The following GNG10 variants were observed in gnomAD, a reference collection of about 807,000 sequenced individuals.
GNG10 encodes the protein G protein subunit gamma 10, also known as guanine nucleotide-binding protein G(I)/G(S)/G(O) subunit gamma-10.
In GNG10, 7 loss-of-function variants were observed where a neutral mutation model predicts 6.8. That is an observed-to-expected ratio of 1.02 (90% confidence interval 0.58 to 1.92). The LOEUF is 1.92. GNG10 is among the 30% of genes most tolerant of loss of function. The pLI is 0.00. For synonymous variants in GNG10, 28 were observed against 34.8 expected, an observed-to-expected ratio of 0.80 and a Z score of 0.69; for missense variants, 57 against 86.1, an observed-to-expected ratio of 0.66 and a Z score of 1.34.
intron 1 of GNG10, among the ~76,000 whole-genome samples, chr9:111,664,159 T>TA (rs941132942): frequency 2.4e-4 from 36 of 152,274 alleles, no homozygotes; most frequent in African/African-American, 7.7e-4. Context: ...ATCTACCTTT[T>TA]AAAAATGATG....
At position 111,664,613 on chromosome 9, in the gene GNG10, G is replaced by T. The variant is rs1830871601; in HGVS notation, c.82-2202G>T. 2.0e-5 allele frequency among the ~76,000 whole-genome samples: 3 copies of T among 152,062 alleles called. 1 individual carries two copies. The South Asian group carries it at 6.2e-4, about 32-fold the overall frequency. ...AGGTTATCCCACCACCAATGGCAGG[G>T]GACAGCTTGCAAGTATTTGGGCTTA... is the stretch of plus-strand genomic sequence containing the variant. On this transcript the variant is annotated intron_variant, in intron 1 of 2. Coordinates refer to ENST00000374293, the MANE Select transcript of GNG10 (RefSeq NM_001017998.4).
chr9:111,665,727 T>A (rs753986971), intron 1 of GNG10, among the ~76,000 whole-genome samples: 2 of 151,852 alleles, frequency 1.3e-5, no homozygotes, highest in Non-Finnish European at 2.9e-5. Context: ...CAGATTCTTT[T>A]CTTTTTTTGT....
At position 111,661,612 on chromosome 9, in the gene GNG10, C is replaced by T. The variant is rs751580456; in HGVS notation, c.-23C>T. ...CCCCGCCCGGCCGGGCCCAGCAGCC[C>T]CTAGGAGCCCAGCGCCGCCGCCATG... is the stretch of plus-strand genomic sequence containing the variant. On this transcript the variant is annotated 5_prime_UTR_variant, in exon 1 of 3. Transcript: ENST00000374293. The surrounding 1 kb of genome is among the most constrained non-coding windows in gnomAD (Gnocchi z 6.1). The T allele has an allele frequency of 3.1e-5, 40 of 1,287,870 alleles. No individual in the cohort carries two copies. Among genetic ancestry groups the T allele is most frequent in the Non-Finnish European group, 3.9e-5 (39 of 995,482 alleles). 79.8% of individuals were successfully genotyped at this position (1,287,870 alleles called of 1,614,324 possible).
In GNG10 at chr9:111,663,211, G is replaced by A. The variant is rs370032529; in HGVS notation, c.81+1496G>A. ...AAGGGAGTGGCCCCTGAGCAGGCAC[G>A]CAGATGCGCTGTGACTGAAGACCCA... On this transcript the variant is annotated intron_variant, in intron 1 of 2. Coordinates refer to ENST00000374293, the MANE Select transcript of GNG10 (RefSeq NM_001017998.4). Among the ~76,000 whole-genome samples, 8 of 152,288 alleles carry A rather than the reference G, an allele frequency of 5.3e-5. No homozygotes were observed. In the South Asian group the frequency reaches 1.7e-3, roughly 32 times the overall value.
chr9:111,669,017 C>T (rs1345331151), intron 2 of GNG10, among the ~76,000 whole-genome samples: 3 of 152,060 alleles, frequency 2.0e-5, no homozygotes, highest in East Asian at 3.9e-4. Context: ...CCACCATGCC[C>T]GGCTAATTTT....
chr9:111,663,678 T>C (rs1458993005), intron 1 of GNG10, among the ~76,000 whole-genome samples: 1 of 151,906 alleles, frequency 6.6e-6, no homozygotes, highest in African/African-American at 2.4e-5. Flanking sequence ...AGAAGGCTGT[T>C]TGAGGGGAAG....
intron 2 of GNG10, among the ~76,000 whole-genome samples, chr9:111,668,789 A>G (rs1477752322): frequency 2.0e-5 from 3 of 149,566 alleles, no homozygotes; most frequent in African/African-American, 7.4e-5. Flanking sequence ...CCGGCCTTAC[A>G]AAGCACTTTC....
rs767968680 is a variant in GNG10, at chr9:111,661,721, G to A, written c.81+6G>A. ...CTGGCGTGGAGAGGATCAAGGTGCGGGCCCCGGGTACCCACGCTCCGGTCC... is the reference window on the plus strand; with the variant it reads ...CTGGCGTGGAGAGGATCAAGGTGCGAGCCCCGGGTACCCACGCTCCGGTCC... On this transcript the variant is annotated splice_donor_region_variant and intron_variant, in intron 1 of 2. Coordinates refer to ENST00000374293, the MANE Select transcript of GNG10 (RefSeq NM_001017998.4). This position sits in a 1 kb window ranked among gnomAD's most constrained non-coding sequence, Gnocchi z 6.1. 15 of 1,340,010 alleles carry A rather than the reference G, an allele frequency of 1.1e-5. No homozygotes were observed. Among genetic ancestry groups the A allele is most frequent in the South Asian group, 1.7e-5 (1 of 59,062 alleles). The allele number at this position is 1,340,010 out of a possible 1,614,324, so 83.0% of individuals were successfully genotyped here.
chr9:111,666,619 T>C (rs1830903233), intron 1 of GNG10, among the ~76,000 whole-genome samples, 196 bp from the exon 2 acceptor site: 1 of 152,220 alleles, frequency 6.6e-6, no homozygotes, highest in Non-Finnish European at 1.5e-5. Flanking sequence ...AACCAAAAAA[T>C]ATCTAAATTG....
chr9:111,662,899 C>T (rs1306547423), intron 1 of GNG10, among the ~76,000 whole-genome samples: 1 of 151,546 alleles, frequency 6.6e-6, no homozygotes, highest in East Asian at 2.0e-4. Flanking sequence ...GAGGAAATAA[C>T]GTGTTTTTTT....
Position 111,666,964 on chromosome 9 carries a change from A to G in GNG10, c.*6+18A>G. 3 of 1,613,618 alleles carry G rather than the reference A, an allele frequency of 1.9e-6. No homozygotes were observed. Among genetic ancestry groups the G allele is most frequent in the Non-Finnish European group, 2.5e-6 (3 of 1,179,668 alleles). On this transcript the variant is annotated intron_variant, in intron 2 of 2. Transcript: ENST00000374293. ...GAAGACTCGTGAGTAATGATACACC[A>G]TGATGTCTTGGGCCCATAGCATTAT... is the stretch of plus-strand genomic sequence containing the variant.
intron 2 of GNG10, among the ~76,000 whole-genome samples, 191 bp downstream of exon 2, chr9:111,667,137 A>G (rs1012328650): frequency 2.6e-5 from 4 of 152,214 alleles, no homozygotes; most frequent in African/African-American, 9.6e-5. Context: ...ACATCTAATC[A>G]GGACAGTCTG....
At chr9:111,667,730 T>C (rs1483132541) in intron 2 of GNG10, among the ~76,000 whole-genome samples, 3 of 152,212 alleles carry the variant, frequency 2.0e-5, no homozygotes, top group African/African-American at 4.8e-5. Context: ...GGAAGAAATA[T>C]AGCTATTGGG....
chr9:111,661,639 C>T lies in GNG10; in HGVS notation c.5C>T (p.Ser2Phe). 3 of 1,344,316 alleles carry T rather than the reference C, an allele frequency of 2.2e-6. No individual in the cohort carries two copies. The highest frequency in any genetic ancestry group is 1.5e-5 in the African/African-American group (1 of 65,902). 83.3% of individuals were successfully genotyped at this position (1,344,316 alleles called of 1,614,324 possible). Reference protein sequence around the residue: MSSGASASALQR... With the variant: MFSGASASALQR... ...TAGGAGCCCAGCGCCGCCGCCATGT[C>T]CTCCGGGGCTAGCGCGAGCGCCCTG... is the stretch of plus-strand genomic sequence containing the variant. Residue 2 changes from serine (S) to phenylalanine (F), a missense_variant, in exon 1 of 3, where the codon TCC becomes TTC. By Grantham distance (155) the Ser-to-Phe change is radical. Transcript: ENST00000374293. The surrounding 1 kb of genome is among the most constrained non-coding windows in gnomAD (Gnocchi z 6.1).
At chr9:111,667,436 G>A (rs999637373) in intron 2 of GNG10, among the ~76,000 whole-genome samples, 1 of 152,004 alleles carries the variant, frequency 6.6e-6, no homozygotes, top group Admixed American at 6.5e-5. Flanking sequence ...CACCATATTG[G>A]TCAGGCTGGT....
At chr9:111,663,407 T>A (rs911390218) in intron 1 of GNG10, among the ~76,000 whole-genome samples, 2 of 150,840 alleles carry the variant, frequency 1.3e-5, no homozygotes, top group African/African-American at 4.9e-5. Flanking sequence ...GGGCAAGGCG[T>A]GTGAAGGTCT....
In GNG10 at chr9:111,661,828, T is replaced by G. The variant is rs2131277857; in HGVS notation, c.81+113T>G. Reference sequence around the variant, plus strand: ...GGGACTCGGTGGCGGCGGCGAGGCCTCGGCGGGGCGCGGGGGCGGTGGGGT... The same window carrying G: ...GGGACTCGGTGGCGGCGGCGAGGCCGCGGCGGGGCGCGGGGGCGGTGGGGT... On this transcript the variant is annotated intron_variant, in intron 1 of 2. Transcript: ENST00000374293. The surrounding 1 kb of genome is among the most constrained non-coding windows in gnomAD (Gnocchi z 6.1). 2.1e-6 allele frequency: 1 copy of G among 469,320 alleles called. No individual in the cohort carries two copies. The allele number at this position is 469,320 out of a possible 1,614,324, so 29.1% of individuals were successfully genotyped here. A position where few individuals can be genotyped will look rare whatever the true frequency, so the allele number is the denominator to read the frequency against.
chr9:111,669,153 C>T (rs540575758), intron 2 of GNG10, 116 bp from the exon 3 acceptor site: 1 of 152,386 alleles, frequency 6.6e-6, no homozygotes, highest in South Asian at 2.1e-4. Context: ...GCCACCGCGC[C>T]TAGCTCACCT....
At chr9:111,667,888 G>T (rs1300698650) in intron 2 of GNG10, among the ~76,000 whole-genome samples, 1 of 152,100 alleles carries the variant, frequency 6.6e-6, no homozygotes, top group African/African-American at 2.4e-5. Flanking sequence ...GAGACATCTT[G>T]CTCTGTCACC....
Sources: allele counts gnomAD v4.1 joint callset (sites outside exome capture counted in the v4.1 genomes callset), GRCh38; gene constraint gnomAD v4.1.1; non-coding constraint Gnocchi (gnomAD v3.1); transcripts MANE v1.5; gene names NCBI Gene and HGNC (gene_info 2026-07-23, HGNC 2026-07-21).